The following ADARB2 variants were observed in gnomAD, a reference collection of about 807,000 sequenced individuals.
ADARB2 encodes the protein adenosine deaminase RNA specific B2 (inactive), also known as inactive double-stranded RNA-specific editase B2.
ADARB2 carries 25 observed loss-of-function variants against 62.2 expected under a neutral mutation model. The ratio of observed to expected loss-of-function variants is 0.40; its 90% CI spans 0.29 to 0.56. The LOEUF (loss-of-function observed/expected upper bound fraction) is 0.56. Among genes scored for constraint, ADARB2 ranks in the 20% least tolerant of loss-of-function variants. The probability of loss-of-function intolerance (pLI) is 0.43; values close to 1 mark genes in which losing one functional copy is unlikely to be tolerated. For synonymous variants in ADARB2, 572 were observed against 500.8 expected, an observed-to-expected ratio of 1.14 and a Z score of -1.90; for missense variants, 1,071 against 1,077.4, an observed-to-expected ratio of 0.99 and a Z score of 0.08.
chr10:1,592,329 A>C (rs1588315120), intron 1 of ADARB2, among the ~76,000 whole-genome samples: 3 of 144,708 alleles, frequency 2.1e-5, no homozygotes, highest in East Asian at 2.0e-4. Context: ...CCCTCGCCCA[A>C]GCCACCCTCC....
At chr10:1,521,191 A>C (rs1436735036) in intron 1 of ADARB2, among the ~76,000 whole-genome samples, 1 of 152,136 alleles carries the variant, frequency 6.6e-6, no homozygotes, top group Admixed American at 6.5e-5. Context: ...AAGCTGCCAC[A>C]AGTTCTGTTT....
chr10:1,314,421 G>C (rs1174421713), intron 3 of ADARB2, among the ~76,000 whole-genome samples: 1 of 150,986 alleles, frequency 6.6e-6, no homozygotes, highest in Non-Finnish European at 1.5e-5. Context: ...TGCCCTCCCT[G>C]GTCTGCCCCT....
At position 1,495,757 on chromosome 10, in the gene ADARB2, CATT is replaced by C. The variant is rs1167269113; in HGVS notation, c.101-116600_101-116598del. 8.1e-5 allele frequency among the ~76,000 whole-genome samples: 12 copies of C among 148,158 alleles called. No individual in the cohort carries two copies. The East Asian group carries it at 9.7e-4, about 12-fold the overall frequency. ...TAGTCATCATCACCATCATCATCAT[CATT>C]ATCATTGTTATCATCATCATCATTG... On this transcript the variant is annotated intron_variant, in intron 1 of 9. Transcript: ENST00000381312.
At chr10:1,443,215 C>T (rs1830925007) in intron 1 of ADARB2, among the ~76,000 whole-genome samples, 2 of 152,122 alleles carry the variant, frequency 1.3e-5, no homozygotes, top group Admixed American at 1.3e-4. Flanking sequence ...ATTTTTCTGT[C>T]CTGTGCTTGG....
intron 1 of ADARB2, among the ~76,000 whole-genome samples, chr10:1,505,386 T>G (rs1371276196): frequency 1.3e-5 from 2 of 151,852 alleles, no homozygotes; most frequent in Non-Finnish European, 2.9e-5. Context: ...GTTTTTGTTT[T>G]TTTTTTTTTT....
chr10:1,582,130 G>A lies in ADARB2; in HGVS notation c.100+154921C>T, dbSNP rs201104644. On this transcript the variant is annotated intron_variant, in intron 1 of 9. Transcript: ENST00000381312. ...TTGAAGAAACTTGGGACCATTCCAC[G>A]TTTCATTTACATGATGGATGAGAGG... Among the ~76,000 whole-genome samples the A allele has an allele frequency of 1.4e-4, 22 of 152,280 alleles. No homozygotes were observed. The East Asian group carries it at 3.3e-3, about 23-fold the overall frequency.
chr10:1,497,451 G>T (rs954441086), intron 1 of ADARB2, among the ~76,000 whole-genome samples: 2 of 152,188 alleles, frequency 1.3e-5, no homozygotes, highest in Non-Finnish European at 2.9e-5. Flanking sequence ...ATGTTCATTT[G>T]AGACAAATTT....
intron 1 of ADARB2, among the ~76,000 whole-genome samples, chr10:1,463,028 G>A (rs904006525): frequency 6.6e-6 from 1 of 152,144 alleles, no homozygotes; most frequent in African/African-American, 2.4e-5. Context: ...GGGGTGGGAC[G>A]CAGCTGGTGG....
Position 1,446,092 on chromosome 10 carries a change from T to G in ADARB2, c.101-66932A>C, listed in dbSNP as rs181127355. On this transcript the variant is annotated intron_variant, in intron 1 of 9. Transcript: ENST00000381312. ...GGGGGTGAAGGAAACATGAGGTCATTAAGTTAATGCTTTGCGTTGTCATGG... is the reference window on the plus strand; with the variant it reads ...GGGGGTGAAGGAAACATGAGGTCATGAAGTTAATGCTTTGCGTTGTCATGG... Among the ~76,000 whole-genome samples, 396 of 152,262 alleles carry G rather than the reference T, an allele frequency of 2.6e-3. 3 individuals are homozygous for G. The highest frequency in any genetic ancestry group is 0.024 in the Middle Eastern group (7 of 294).
intron 1 of ADARB2, among the ~76,000 whole-genome samples, chr10:1,442,576 C>G (rs950044642): frequency 1.8e-4 from 27 of 152,168 alleles, no homozygotes; most frequent in African/African-American, 5.8e-4. Context: ...TTATTCCAGG[C>G]TCACCCAAGT....
intron 3 of ADARB2, among the ~76,000 whole-genome samples, chr10:1,339,951 G>A (rs1832007538): frequency 6.6e-6 from 1 of 152,062 alleles, no homozygotes; most frequent in African/African-American, 2.4e-5. Flanking sequence ...GCAGGGGTGG[G>A]CTCACAGCTG....
At chr10:1,577,849 A>C (rs1368159291) in intron 1 of ADARB2, among the ~76,000 whole-genome samples, 3 of 152,362 alleles carry the variant, frequency 2.0e-5, no homozygotes, top group African/African-American at 7.2e-5. Context: ...TGAGATCATT[A>C]GGATGGGCAC....
chr10:1,466,952 G>A (rs941520627), intron 1 of ADARB2, among the ~76,000 whole-genome samples: 1 of 152,120 alleles, frequency 6.6e-6, no homozygotes, highest in South Asian at 2.1e-4. Flanking sequence ...GAAGGAACGT[G>A]GTGAGTGGTG....
At chr10:1,405,678 A>C (rs947647001) in intron 1 of ADARB2, among the ~76,000 whole-genome samples, 4 of 151,652 alleles carry the variant, frequency 2.6e-5, no homozygotes, top group African/African-American at 7.3e-5. Flanking sequence ...TGGGAAATGT[A>C]CCAGAATCCA....
At chr10:1,722,340 A>C (rs550224337) in intron 1 of ADARB2, among the ~76,000 whole-genome samples, 4 of 152,234 alleles carry the variant, frequency 2.6e-5, no homozygotes, top group Non-Finnish European at 5.9e-5. Flanking sequence ...TAGAACATGC[A>C]CATTTACCTG....
intron 8 of ADARB2, among the ~76,000 whole-genome samples, chr10:1,194,828 A>G (rs2131739064): frequency 6.6e-6 from 1 of 152,316 alleles, no homozygotes; most frequent in Non-Finnish European, 1.5e-5. Context: ...TGGTCATATT[A>G]GGGTCTGTGT....
chr10:1,293,168 G>C (rs1449531702), intron 3 of ADARB2, among the ~76,000 whole-genome samples: 1 of 46,816 alleles, frequency 2.1e-5, no homozygotes, highest in African/African-American at 8.5e-5. Context: ...GGTAAGAAGG[G>C]GGGAGAGGGG....
chr10:1,302,195 G>A (rs940621351), intron 3 of ADARB2, among the ~76,000 whole-genome samples: 1 of 152,204 alleles, frequency 6.6e-6, no homozygotes, highest in African/African-American at 2.4e-5. Flanking sequence ...CCGAAGCAGG[G>A]CGAGGCATTG....
At position 1,619,451 on chromosome 10, in the gene ADARB2, G is replaced by A. The variant is rs1381913667; in HGVS notation, c.100+117600C>T. Among the ~76,000 whole-genome samples, 8 of 152,236 alleles carry A rather than the reference G, an allele frequency of 5.3e-5. No individual in the cohort carries two copies. In the East Asian group the frequency reaches 1.5e-3, roughly 29 times the overall value. On this transcript the variant is annotated intron_variant, in intron 1 of 9. Coordinates refer to ENST00000381312, the MANE Select transcript of ADARB2 (RefSeq NM_018702.4). ...AAAATAAGCACTTCATGTAATAACT[G>A]CAGAACATGTATTTTTGTTTTTTCA...
Sources: gnomAD v4.1 joint callset for allele counts (sites outside exome capture counted in the v4.1 genomes callset) on GRCh38, gnomAD v4.1.1 for gene constraint, MANE v1.5 for transcripts, NCBI Gene and HGNC (gene_info 2026-07-23, HGNC 2026-07-21) for gene names.